PAPPA: variants seen among roughly 807,000 people sequenced by gnomAD.
PAPPA encodes the protein pappalysin-1.
Under a neutral mutation model 164.0 loss-of-function variants are expected in PAPPA, and 60 were observed. The observed-to-expected ratio is 0.37, with a 90% CI of 0.30 to 0.45. The LOEUF is 0.45. Among genes scored for constraint, PAPPA ranks in the 20% least tolerant of loss-of-function variants. PAPPA has a pLI of 1.00. For synonymous variants in PAPPA, 875 were observed against 814.1 expected, an observed-to-expected ratio of 1.07 and a Z score of -1.27; for missense variants, 1,782 against 2,087.3, an observed-to-expected ratio of 0.85 and a Z score of 2.85.
At chr9:116,379,118 C>T (rs76120036) in intron 20 of PAPPA, among the ~76,000 whole-genome samples, 2,396 of 152,280 alleles carry the variant, frequency 0.016, 28 homozygotes, top group Non-Finnish European at 0.021. Flanking sequence ...GAATTCAATC[C>T]CTCCTTGGAC....
chr9:116,306,516 G>T (rs564321311), intron 10 of PAPPA, among the ~76,000 whole-genome samples: 55 of 152,296 alleles, frequency 3.6e-4, no homozygotes, highest in Middle Eastern at 3.4e-3. Context: ...TCCTGGTTGT[G>T]CAAATTGGGT....
intron 1 of PAPPA, among the ~76,000 whole-genome samples, chr9:116,157,547 GT>G (rs1046602138): frequency 4.6e-5 from 7 of 152,122 alleles, no homozygotes; most frequent in African/African-American, 1.7e-4. Context: ...GTCCTCAGAG[GT>G]TACCCAAGCC....
intron 2 of PAPPA, among the ~76,000 whole-genome samples, chr9:116,199,990 G>T (rs1045364105): frequency 6.6e-6 from 1 of 152,126 alleles, no homozygotes; most frequent in South Asian, 2.1e-4. Context: ...CCATTCTTAA[G>T]GGATCTGCCC....
chr9:116,156,307 T>C (rs1332277392), intron 1 of PAPPA, among the ~76,000 whole-genome samples: 8 of 110,510 alleles, frequency 7.2e-5, no homozygotes, highest in South Asian at 2.7e-4. Context: ...TATATACATG[T>C]ATATATATGT....
chr9:116,229,980 C>T (rs764387660), intron 6 of PAPPA, among the ~76,000 whole-genome samples: 15 of 152,236 alleles, frequency 9.9e-5, no homozygotes, highest in Non-Finnish European at 2.1e-4. Context: ...CCCACACTTA[C>T]ATCCAATGCA....
intron 1 of PAPPA, among the ~76,000 whole-genome samples, chr9:116,174,947 C>G (rs1843814374): frequency 1.3e-5 from 2 of 152,048 alleles, no homozygotes; most frequent in Non-Finnish European, 2.9e-5. Context: ...AAATTTTTTT[C>G]TCTGCATTTT....
intron 10 of PAPPA, among the ~76,000 whole-genome samples, chr9:116,320,567 C>T (rs909633109): frequency 1.8e-4 from 27 of 152,274 alleles, no homozygotes; most frequent in Admixed American, 1.4e-3. Flanking sequence ...TTGAAAGAAA[C>T]GCAAACCACC....
At chr9:116,177,477 G>C (rs1270927286) in intron 1 of PAPPA, among the ~76,000 whole-genome samples, 1 of 152,156 alleles carries the variant, frequency 6.6e-6, no homozygotes, top group Non-Finnish European at 1.5e-5. Context: ...TTGTTAAAAT[G>C]TTGTACAGAT....
At chr9:116,297,829 C>T (rs1845528450) in intron 9 of PAPPA, among the ~76,000 whole-genome samples, 1 of 152,148 alleles carries the variant, frequency 6.6e-6, no homozygotes, top group African/African-American at 2.4e-5. Context: ...AGAATAGACC[C>T]TGTGTCTTTA....
chr9:116,252,753 T>C (rs902138526), intron 7 of PAPPA, among the ~76,000 whole-genome samples: 1 of 152,234 alleles, frequency 6.6e-6, no homozygotes, highest in Non-Finnish European at 1.5e-5. Flanking sequence ...CCTCCTGCCA[T>C]CTACTGCTCA....
intron 3 of PAPPA, among the ~76,000 whole-genome samples, chr9:116,209,850 C>T (rs966636588): frequency 1.3e-5 from 2 of 152,124 alleles, no homozygotes; most frequent in Non-Finnish European, 2.9e-5. Flanking sequence ...ATGCAAAGTC[C>T]ATTTTCCACA....
chr9:116,195,355 A>T (rs1844091021), intron 2 of PAPPA, among the ~76,000 whole-genome samples: 1 of 152,196 alleles, frequency 6.6e-6, no homozygotes, highest in South Asian at 2.1e-4. Context: ...AATTAAAAGA[A>T]GAACTGTTCA....
rs985431411 is a variant in PAPPA, at chr9:116,356,305, ATAGT to A, written c.4347+2514_4347+2517del. On this transcript the variant is annotated intron_variant, in intron 17 of 21. Transcript: ENST00000328252. Reference sequence around the variant, plus strand: ...GAGGAGAAAGAATACTACATACCTAATAGTTTGTTTGTGAAGGTTAAATGAGGTA... The same window carrying A: ...GAGGAGAAAGAATACTACATACCTAATTGTTTGTGAAGGTTAAATGAGGTA... 4.6e-5 allele frequency among the ~76,000 whole-genome samples: 7 copies of A among 152,192 alleles called. No homozygotes were observed. The East Asian group carries it at 7.7e-4, about 17-fold the overall frequency.
chr9:116,172,256 C>T (rs1843783037), intron 1 of PAPPA, among the ~76,000 whole-genome samples: 1 of 152,140 alleles, frequency 6.6e-6, no homozygotes, highest in Admixed American at 6.5e-5. Context: ...TCTAACCCCT[C>T]CACCATAAAC....
At chr9:116,289,335 A>G (rs868520579) in intron 9 of PAPPA, among the ~76,000 whole-genome samples, 20 of 138,472 alleles carry the variant, frequency 1.4e-4, no homozygotes, top group African/African-American at 3.7e-4. Flanking sequence ...GCATATATAT[A>G]GCATATATAT....
At chr9:116,308,328 G>GC (rs1845672875) in intron 10 of PAPPA, among the ~76,000 whole-genome samples, 1 of 152,232 alleles carries the variant, frequency 6.6e-6, no homozygotes, top group Admixed American at 6.5e-5. Flanking sequence ...AGTGATGAGA[G>GC]CCAGTGTGTA....
intron 7 of PAPPA, among the ~76,000 whole-genome samples, chr9:116,263,143 G>A (rs1845023079): frequency 6.6e-6 from 1 of 152,102 alleles, no homozygotes; most frequent in African/African-American, 2.4e-5. Context: ...GGAAAACAAT[G>A]AAATATGAAC....
rs533568935 is a variant in PAPPA at position 116,319,208 on chromosome 9, GC to G, written c.3148-12033del. ...CCTGCGGAGGGCCCGTGTGAAATGA[GC>G]CCAGCCAGGCCTTTAATGGCAGCAG... On this transcript the variant is annotated intron_variant, in intron 10 of 21. Coordinates refer to ENST00000328252, the MANE Select transcript of PAPPA (RefSeq NM_002581.5). Among the ~76,000 whole-genome samples the G allele has an allele frequency of 2.0e-3, 308 of 152,336 alleles. 2 individuals are homozygous for G. Among genetic ancestry groups the G allele is most frequent in the South Asian group, 0.015 (71 of 4,828 alleles).
intron 9 of PAPPA, among the ~76,000 whole-genome samples, chr9:116,273,302 A>G (rs1587981736): frequency 6.6e-6 from 1 of 152,202 alleles, no homozygotes; most frequent in East Asian, 1.9e-4. Flanking sequence ...TCTGCAAACT[A>G]TGGTCCATAG....
Sources: gnomAD v4.1 joint callset for allele counts (sites outside exome capture counted in the v4.1 genomes callset) on GRCh38, gnomAD v4.1.1 for gene constraint, MANE v1.5 for transcripts, NCBI Gene and HGNC (gene_info 2026-07-23, HGNC 2026-07-21) for gene names.